Variants in SUPT3H observed in about 807,000 individuals in gnomAD.
The protein encoded by SUPT3H is SPT3 homolog, SAGA and STAGA complex component.
A neutral mutation model predicts 44.3 loss-of-function variants in SUPT3H; 44 were observed. That is an observed-to-expected ratio of 0.99 (90% CI 0.78 to 1.28). SUPT3H has a LOEUF of 1.28. SUPT3H is among the 50% of genes most tolerant of loss of function. SUPT3H has a pLI of 0.00. For synonymous variants in SUPT3H, 124 were observed against 125.6 expected (o/e 0.99, Z 0.09); for missense variants, 380 against 387.1 (o/e 0.98, Z 0.15).
intron 10 of SUPT3H, among the ~76,000 whole-genome samples, chr6:44,924,077 T>A (rs1041184410): frequency 6.6e-6 from 1 of 152,136 alleles, no homozygotes; most frequent in African/African-American, 2.4e-5. Context: ...TAAAAATATT[T>A]TCCAGAAAAC....
At chr6:45,182,399 T>A (rs188002549) in intron 2 of SUPT3H, among the ~76,000 whole-genome samples, 4 of 152,252 alleles carry the variant, frequency 2.6e-5, no homozygotes, top group Admixed American at 6.5e-5. Context: ...GTAGCTGGGA[T>A]TACAGGCACC....
intron 11 of SUPT3H, among the ~76,000 whole-genome samples, chr6:44,819,286 T>C (rs527497142): frequency 3.3e-5 from 5 of 152,200 alleles, no homozygotes; most frequent in African/African-American, 9.6e-5. Context: ...TAAAAAATGA[T>C]AGGGACAGAA....
chr6:45,273,700 T>A (rs529936968), intron 2 of SUPT3H, among the ~76,000 whole-genome samples: 4 of 152,372 alleles, frequency 2.6e-5, no homozygotes, highest in South Asian at 4.1e-4. Context: ...CCACATTTGC[T>A]ATCCATTCAT....
chr6:44,893,299 C>T (rs1264369064), intron 10 of SUPT3H, among the ~76,000 whole-genome samples: 3 of 152,082 alleles, frequency 2.0e-5, no homozygotes, highest in Non-Finnish European at 4.4e-5. Context: ...CATATGTATA[C>T]ATGTGCCATG....
intron 2 of SUPT3H, among the ~76,000 whole-genome samples, chr6:45,342,908 G>A (rs2150142616): frequency 6.6e-6 from 1 of 152,208 alleles, no homozygotes; most frequent in South Asian, 2.1e-4. Context: ...GAATGTCATG[G>A]AAACACAAGG....
intron 2 of SUPT3H, among the ~76,000 whole-genome samples, chr6:45,174,714 T>C (rs890676190): frequency 1.3e-5 from 2 of 152,064 alleles, no homozygotes; most frequent in African/African-American, 2.4e-5. Context: ...TTATATCTCA[T>C]CTTCCTGATG....
chr6:45,026,049 T>C (rs1196187569), intron 3 of SUPT3H, among the ~76,000 whole-genome samples: 1 of 152,156 alleles, frequency 6.6e-6, no homozygotes, highest in Non-Finnish European at 1.5e-5. Context: ...GTAGGAGTTG[T>C]GGTGAGCTAG....
intron 2 of SUPT3H, among the ~76,000 whole-genome samples, chr6:45,290,459 A>T (rs931698040): frequency 2.6e-5 from 4 of 150,956 alleles, no homozygotes; most frequent in African/African-American, 7.3e-5. Flanking sequence ...GGATGATCAA[A>T]AAAAAAAAAA....
intron 2 of SUPT3H, among the ~76,000 whole-genome samples, chr6:45,243,428 G>T (rs1194916988): frequency 6.6e-6 from 1 of 151,714 alleles, no homozygotes; most frequent in Non-Finnish European, 1.5e-5. Context: ...CAAAAACACA[G>T]AAAAATTACT....
At chr6:44,908,012 AGAAAT>A (rs1766380256) in intron 10 of SUPT3H, among the ~76,000 whole-genome samples, 1 of 152,224 alleles carries the variant, frequency 6.6e-6, no homozygotes, top group Admixed American at 6.5e-5. Flanking sequence ...AAGAGTAGCA[AGAAAT>A]AACCAAAACT....
intron 1 of SUPT3H, among the ~76,000 whole-genome samples, chr6:45,370,136 T>C (rs1795809254): frequency 6.6e-6 from 1 of 152,080 alleles, no homozygotes; most frequent in Non-Finnish European, 1.5e-5. Context: ...GAAGCAAGAG[T>C]GCAATCAAGA....
chr6:45,012,678 CT>C (rs372540523), intron 5 of SUPT3H, among the ~76,000 whole-genome samples: 11 of 150,724 alleles, frequency 7.3e-5, no homozygotes, highest in African/African-American at 2.2e-4. Flanking sequence ...CTATTGTCTA[CT>C]TTTTTTTTGT....
intron 2 of SUPT3H, among the ~76,000 whole-genome samples, chr6:45,200,138 T>A (rs1184087044): frequency 6.6e-6 from 1 of 151,550 alleles, no homozygotes; most frequent in Non-Finnish European, 1.5e-5. Flanking sequence ...GAAAAACATT[T>A]ATAATTTTGA....
At chr6:45,348,721 G>T in intron 2 of SUPT3H, among the ~76,000 whole-genome samples, 1 of 151,128 alleles carries the variant, frequency 6.6e-6, no homozygotes, top group Non-Finnish European at 1.5e-5. Flanking sequence ...AACTAACAAG[G>T]CATTAAATGA....
chr6:45,045,222 C>T (rs1789188625), intron 3 of SUPT3H, among the ~76,000 whole-genome samples: 1 of 152,094 alleles, frequency 6.6e-6, no homozygotes, highest in Admixed American at 6.6e-5. Context: ...CCAGAGAATC[C>T]TAGAAGACCA....
chr6:44,830,238 TAA>T (rs1187557507), intron 10 of SUPT3H, among the ~76,000 whole-genome samples: 5 of 152,188 alleles, frequency 3.3e-5, no homozygotes, highest in African/African-American at 1.2e-4. Flanking sequence ...TAATAGTCTA[TAA>T]ATTACTGACT....
intron 5 of SUPT3H, among the ~76,000 whole-genome samples, chr6:45,005,988 T>C (rs1265695611): frequency 2.0e-5 from 3 of 152,078 alleles, no homozygotes; most frequent in Non-Finnish European, 4.4e-5. Context: ...TGCTTATGGG[T>C]CTATTATGTT....
At chr6:45,322,243 C>T (rs1236714915) in intron 2 of SUPT3H, among the ~76,000 whole-genome samples, 1 of 151,760 alleles carries the variant, frequency 6.6e-6, no homozygotes, top group East Asian at 1.9e-4. Context: ...CTGAATAACA[C>T]GTATATTATG....
chr6:44,886,133 A>C (rs959096418), intron 10 of SUPT3H, among the ~76,000 whole-genome samples: 8 of 152,192 alleles, frequency 5.3e-5, no homozygotes, highest in East Asian at 1.9e-4. Flanking sequence ...ACCAAATCTG[A>C]GTCTGATTGG....
Sources: gnomAD v4.1 joint callset for allele counts (sites outside exome capture counted in the v4.1 genomes callset) on GRCh38, gnomAD v4.1.1 for gene constraint, MANE v1.5 for transcripts, NCBI Gene and HGNC (gene_info 2026-07-23, HGNC 2026-07-21) for gene names.